The following DPM1 variants were observed in gnomAD, a reference collection of about 807,000 sequenced individuals.
The protein encoded by DPM1 is dolichyl-phosphate mannosyltransferase subunit 1, catalytic, also known as dolichol-phosphate mannosyltransferase subunit 1.
Under a neutral mutation model 39.0 loss-of-function variants are expected in DPM1, and 27 were observed. That is an observed-to-expected ratio of 0.69 (90% confidence interval 0.51 to 0.95). The LOEUF (loss-of-function observed/expected upper bound fraction) is 0.95. Among genes scored for constraint, DPM1 ranks in the 40% least tolerant of loss-of-function variants. The pLI is 0.00. For missense variants in DPM1, 307 were observed against 315.6 expected, an observed-to-expected ratio of 0.97 and a Z score of 0.21; for synonymous variants, 124 against 109.0, an observed-to-expected ratio of 1.14 and a Z score of -0.86.
chr20:50,955,960 C>G (rs963936300), intron 1 of DPM1, among the ~76,000 whole-genome samples: 2 of 152,132 alleles, frequency 1.3e-5, no homozygotes, highest in Non-Finnish European at 2.9e-5. Flanking sequence ...CATGGTAACT[C>G]AAACCAAACT....
At chr20:50,950,110 T>C (rs534573545) in intron 2 of DPM1, among the ~76,000 whole-genome samples, 2 of 152,332 alleles carry the variant, frequency 1.3e-5, no homozygotes, top group South Asian at 2.1e-4. Flanking sequence ...CTTTTTATCT[T>C]TTGTGAATCT....
intron 5 of DPM1, among the ~76,000 whole-genome samples, chr20:50,944,168 C>T (rs1180186305): frequency 6.6e-6 from 1 of 152,242 alleles, no homozygotes; most frequent in Admixed American, 6.5e-5. Context: ...CTTATTGGTA[C>T]TGGATATTAC....
chr20:50,935,029 CCTTAT>C lies in DPM1; in HGVS notation c.*98_*102del. 2.9e-6 allele frequency: 2 copies of C among 694,522 alleles called. No homozygotes were observed. Among genetic ancestry groups the C allele is most frequent in the Non-Finnish European group, 5.1e-6 (2 of 393,730 alleles). The allele number at this position is 694,522 out of a possible 1,614,324, so 43.0% of individuals were successfully genotyped here. Reference sequence around the variant, plus strand: ...AAAAAGATGCATGAAATTTACCTTACCTTATATTTTATACTTTAAGAGTACATTTT... The same window carrying C: ...AAAAAGATGCATGAAATTTACCTTACATTTTATACTTTAAGAGTACATTTT... On this transcript the variant is annotated 3_prime_UTR_variant, in exon 9 of 9. Transcript: ENST00000371588.
chr20:50,944,576 CA>C (rs888159616), intron 5 of DPM1: 8 of 152,218 alleles, frequency 5.3e-5, no homozygotes, highest in African/African-American at 1.9e-4. Context: ...CAGGGGCCAA[CA>C]AACACATAGG....
intron 2 of DPM1, among the ~76,000 whole-genome samples, chr20:50,948,954 G>C (rs1419283558): frequency 6.6e-6 from 1 of 151,802 alleles, no homozygotes; most frequent in African/African-American, 2.4e-5. Context: ...TCTGCCTCCT[G>C]GGTTAAAGTG....
intron 2 of DPM1, among the ~76,000 whole-genome samples, chr20:50,950,043 TTC>T (rs888011381): frequency 1.3e-5 from 2 of 152,216 alleles, no homozygotes; most frequent in African/African-American, 4.8e-5. Context: ...TTTTGCTTCT[TTC>T]TCTTTCTCCT....
intron 5 of DPM1, among the ~76,000 whole-genome samples, chr20:50,943,206 A>G (rs957342646): frequency 2.6e-5 from 4 of 152,174 alleles, no homozygotes; most frequent in African/African-American, 4.8e-5. Context: ...ATGGAATCAT[A>G]GACATCCCTA....
At chr20:50,951,784 A>G (rs779385397) in intron 2 of DPM1, among the ~76,000 whole-genome samples, 36 of 151,338 alleles carry the variant, frequency 2.4e-4, no homozygotes, top group Non-Finnish European at 4.6e-4. Flanking sequence ...CGAGACTCCA[A>G]TCTCAAAAAA....
At chr20:50,957,254 A>G (rs1986875082) in intron 1 of DPM1, among the ~76,000 whole-genome samples, 1 of 152,260 alleles carries the variant, frequency 6.6e-6, no homozygotes, top group Admixed American at 6.5e-5. Context: ...TCTAATGCTC[A>G]GGCGGGCTGG....
Position 50,942,135 on chromosome 20 carries a change from TA to T in DPM1, c.399-10del, listed in dbSNP as rs1361271183. On this transcript the variant is annotated splice_polypyrimidine_tract_variant and intron_variant, in intron 5 of 8. Coordinates refer to ENST00000371588, the MANE Select transcript of DPM1 (RefSeq NM_003859.3). Reference sequence around the variant, plus strand: ...TACCCTCCTTTTGCTTCCTGTAGAATAAATTAGCTGTCAATTAGAAAAAGCC... The same window carrying T: ...TACCCTCCTTTTGCTTCCTGTAGAATAATTAGCTGTCAATTAGAAAAAGCC... 6.2e-7 allele frequency: 1 copy of T among 1,610,180 alleles called. No homozygotes were observed. The highest frequency in any genetic ancestry group is 1.3e-5 in the African/African-American group (1 of 74,978).
intron 5 of DPM1, among the ~76,000 whole-genome samples, chr20:50,942,330 A>AC (rs1318856423): frequency 6.6e-6 from 1 of 152,038 alleles, no homozygotes; most frequent in African/African-American, 2.4e-5. Flanking sequence ...AGATGGTGGA[A>AC]CCCCATCTCT....
rs1985859408 is a variant in DPM1, at chr20:50,941,896, C to G, written c.494+135G>C. Reference sequence around the variant, plus strand: ...TAATCACAGGAAAAACTGTAAGAAACTATCTGGGAGTATTTACTGGAAGTT... The same window carrying G: ...TAATCACAGGAAAAACTGTAAGAAAGTATCTGGGAGTATTTACTGGAAGTT... On this transcript the variant is annotated intron_variant, in intron 6 of 8. Transcript: ENST00000371588. 3.9e-6 allele frequency: 3 copies of G among 762,858 alleles called. No homozygotes were observed. In the East Asian group the frequency reaches 7.9e-5, roughly 20 times the overall value. The allele number at this position is 762,858 out of a possible 1,614,324, so 47.3% of individuals were successfully genotyped here. A position where few individuals can be genotyped will look rare whatever the true frequency, so the allele number is the denominator to read the frequency against.
chr20:50,958,317 AAGCCAG>A, intron 1 of DPM1, 40 bp downstream of exon 1: 2 of 1,605,652 alleles, frequency 1.2e-6, no homozygotes, highest in Non-Finnish European at 1.7e-6. Flanking sequence ...CGGGCCGGGG[AAGCCAG>A]CTCATCTCAT....
At chr20:50,947,644 A>G (rs1293533059) in intron 3 of DPM1, among the ~76,000 whole-genome samples, 2 of 152,194 alleles carry the variant, frequency 1.3e-5, no homozygotes, top group East Asian at 3.9e-4. Context: ...TCCTTTTTTA[A>G]AAATAAAGAA....
rs1985210794 is a variant in DPM1 at position 50,936,907 on chromosome 20, TG to T, written c.564-646del. 2.0e-5 allele frequency among the ~76,000 whole-genome samples: 3 copies of T among 152,236 alleles called. No homozygotes were observed. The South Asian group carries it at 6.2e-4, about 31-fold the overall frequency. ...TTAGACACTTAACAGTGGGTGAATG[TG>T]CAGCCTAACTTTAGATGGACTGCAG... is the stretch of plus-strand genomic sequence containing the variant. On this transcript the variant is annotated intron_variant, in intron 7 of 8. Transcript: ENST00000371588.
chr20:50,945,648 T>C (rs1460163876), intron 5 of DPM1, 89 bp downstream of exon 5: 4 of 1,226,864 alleles, frequency 3.3e-6, no homozygotes, highest in South Asian at 1.3e-5. Context: ...ATGTGTATTT[T>C]TGATTAATAA....
At chr20:50,953,365 A>G (rs1401757671) in intron 2 of DPM1, among the ~76,000 whole-genome samples, 1 of 152,238 alleles carries the variant, frequency 6.6e-6, no homozygotes, top group Non-Finnish European at 1.5e-5. Flanking sequence ...CATTTCAGCC[A>G]GTCTGAAAGG....
At chr20:50,946,158 A>T (rs1009459576) in intron 3 of DPM1, among the ~76,000 whole-genome samples, 1 of 152,254 alleles carries the variant, frequency 6.6e-6, no homozygotes, top group Admixed American at 6.5e-5. Context: ...AATAGATCAT[A>T]CCTCTATTTC....
intron 8 of DPM1, among the ~76,000 whole-genome samples, chr20:50,935,677 T>C (rs377387566): frequency 8.5e-5 from 13 of 152,168 alleles, no homozygotes; most frequent in African/African-American, 2.4e-4. Flanking sequence ...ATAAGAGTTT[T>C]ACTATTAAAT....
Sources: gnomAD v4.1 joint callset for allele counts (sites outside exome capture counted in the v4.1 genomes callset) on GRCh38, gnomAD v4.1.1 for gene constraint, MANE v1.5 for transcripts, NCBI Gene and HGNC (gene_info 2026-07-23, HGNC 2026-07-21) for gene names.